ZDHHC7: variants seen among roughly 807,000 people sequenced by gnomAD.
The protein encoded by ZDHHC7 is zDHHC palmitoyltransferase 7, also known as palmitoyltransferase ZDHHC7.
A neutral mutation model predicts 34.1 loss-of-function variants in ZDHHC7; 12 were observed. The ratio of observed to expected loss-of-function variants is 0.35; its 90% confidence interval spans 0.23 to 0.57. The LOEUF is 0.57. ZDHHC7 is among the 20% of genes least tolerant of loss of function. The probability of loss-of-function intolerance (pLI) is 0.84; values close to 1 mark genes in which losing one functional copy is unlikely to be tolerated. For missense variants in ZDHHC7, 388 were observed against 402.7 expected, an observed-to-expected ratio of 0.96 and a Z score of 0.31; for synonymous variants, 185 against 155.4, an observed-to-expected ratio of 1.19 and a Z score of -1.42.
chr16:85,000,444 G>A (rs1051252068), intron 1 of ZDHHC7, among the ~76,000 whole-genome samples: 2 of 152,118 alleles, frequency 1.3e-5, no homozygotes, highest in African/African-American at 2.4e-5. Flanking sequence ...GGAACACACT[G>A]AAAACAAGTA....
chr16:84,990,879 G>T (rs2072501225), intron 2 of ZDHHC7, among the ~76,000 whole-genome samples: 1 of 152,116 alleles, frequency 6.6e-6, no homozygotes, highest in Admixed American at 6.6e-5. Context: ...CCTATCTATG[G>T]CCAGCCGTGG....
the ZDHHC7 span, among the ~76,000 whole-genome samples, chr16:85,020,268 C>T: frequency 2.0e-5 from 3 of 152,210 alleles, no homozygotes; most frequent in Non-Finnish European, 4.4e-5. Context: ...TCTTGTCTAC[C>T]TTCTCCCTGC....
chr16:85,003,616 C>T (rs1875908626), intron 1 of ZDHHC7, among the ~76,000 whole-genome samples: 1 of 152,022 alleles, frequency 6.6e-6, no homozygotes, highest in South Asian at 2.1e-4. Flanking sequence ...AAAAAAAATC[C>T]ACACCAGAAT....
Position 85,010,113 on chromosome 16 carries a change from A to C in ZDHHC7, c.-104+1173T>G, listed in dbSNP as rs186029263. On this transcript the variant is annotated intron_variant, in intron 1 of 7. Coordinates refer to ENST00000313732, the MANE Select transcript of ZDHHC7 (RefSeq NM_017740.3). The stretch of plus-strand genomic sequence containing the variant: ...GGCTGCAGTGCTGTGGCATGATCTC[A>C]AACTCAAGTGATCCCCCCACCTCAG... 4.7e-5 allele frequency among the ~76,000 whole-genome samples: 7 copies of C among 149,326 alleles called. No homozygotes were observed. In the East Asian group the frequency reaches 1.4e-3, roughly 29 times the overall value.
chr16:84,987,401 C>T (rs554647442), intron 3 of ZDHHC7, among the ~76,000 whole-genome samples: 5 of 151,628 alleles, frequency 3.3e-5, no homozygotes, highest in African/African-American at 9.7e-5. Context: ...GGACACACTG[C>T]AGGTGGGAAT....
At chr16:84,976,960 C>T in intron 7 of ZDHHC7, 135 bp downstream of exon 7, 1 of 1,284,198 alleles carries the variant, frequency 7.8e-7, no homozygotes, top group South Asian at 1.5e-5. Context: ...ACACAGGGAG[C>T]TGGTTGCAGC....
the ZDHHC7 span, among the ~76,000 whole-genome samples, chr16:85,027,493 C>T: frequency 1.3e-5 from 2 of 152,200 alleles, no homozygotes; most frequent in African/African-American, 4.8e-5. Flanking sequence ...AAATAACCCA[C>T]TCACCTGTTT....
At chr16:85,011,168 T>A (rs1450469216) in intron 1 of ZDHHC7, 118 bp downstream of exon 1, 1 of 152,288 alleles carries the variant, frequency 6.6e-6, no homozygotes, top group Non-Finnish European at 1.5e-5. Context: ...GTCGCAGGTG[T>A]GCGGCGGGGT....
chr16:85,020,651 G>A, the ZDHHC7 span, among the ~76,000 whole-genome samples: 13 of 152,242 alleles, frequency 8.5e-5, no homozygotes, highest in South Asian at 1.7e-3. Context: ...AAGGCCCTGC[G>A]AGGGTCAGTG....
At chr16:84,999,641 T>C (rs757384997) in intron 1 of ZDHHC7, among the ~76,000 whole-genome samples, 5 of 152,186 alleles carry the variant, frequency 3.3e-5, no homozygotes, top group Non-Finnish European at 5.9e-5. Flanking sequence ...TCTATGTGTA[T>C]GATATTCTAA....
intron 5 of ZDHHC7, among the ~76,000 whole-genome samples, chr16:84,978,923 A>T (rs1763431395): frequency 6.6e-6 from 1 of 152,168 alleles, no homozygotes; most frequent in African/African-American, 2.4e-5. Context: ...TACTTTAGGA[A>T]GATTCCTGTT....
chr16:84,982,908 C>T (rs1203179676), intron 3 of ZDHHC7, among the ~76,000 whole-genome samples: 5 of 152,226 alleles, frequency 3.3e-5, no homozygotes, highest in Admixed American at 2.6e-4. Flanking sequence ...ACCCTACCAG[C>T]ACCATGTCAA....
chr16:84,979,335 G>C, intron 4 of ZDHHC7, 50 bp from the exon 5 acceptor site: 2 of 1,576,882 alleles, frequency 1.3e-6, no homozygotes, highest in Non-Finnish European at 1.7e-6. Flanking sequence ...GAGGAAACCA[G>C]AGTAACACAA....
rs185640610 is a variant in ZDHHC7 at position 84,994,204 on chromosome 16, T to C, written c.-18+1718A>G. On this transcript the variant is annotated intron_variant, in intron 2 of 7. Coordinates refer to ENST00000313732, the MANE Select transcript of ZDHHC7 (RefSeq NM_017740.3). ...TGCCCTGTCCCCCTCATGCCTTGCA[T>C]GCTGTCTGGCGCACAGCAAGGGCAT... Among the ~76,000 whole-genome samples the C allele has an allele frequency of 2.8e-3, 421 of 152,356 alleles. 2 individuals carry two copies. Among genetic ancestry groups the C allele is most frequent in the African/African-American group, 9.6e-3 (398 of 41,580 alleles).
At chr16:84,997,765 C>T (rs191916838) in intron 1 of ZDHHC7, among the ~76,000 whole-genome samples, 15 of 148,464 alleles carry the variant, frequency 1.0e-4, no homozygotes, top group Admixed American at 5.4e-4. Flanking sequence ...TGGTGGTGGG[C>T]GCCTGTAGTC....
upstream of ZDHHC7, among the ~76,000 whole-genome samples, chr16:85,014,257 C>T (rs1443830760): frequency 1.3e-5 from 2 of 152,158 alleles, no homozygotes; most frequent in Non-Finnish European, 2.9e-5. Context: ...GATTTCAAAG[C>T]ATGGAAGTCA....
chr16:84,985,952 C>CAAAAAAAA (rs58315276), intron 3 of ZDHHC7, among the ~76,000 whole-genome samples: 4 of 54,028 alleles, frequency 7.4e-5, no homozygotes, highest in African/African-American at 2.1e-4. Context: ...GAGACTGTCT[C>CAAAAAAAA]AAAAAAAAAA....
intron 2 of ZDHHC7, among the ~76,000 whole-genome samples, chr16:84,991,994 G>A (rs1314399847): frequency 6.6e-6 from 1 of 151,756 alleles, no homozygotes; most frequent in Non-Finnish European, 1.5e-5. Context: ...TGGTCAACAT[G>A]GTGAAACCCC....
intron 1 of ZDHHC7, among the ~76,000 whole-genome samples, chr16:85,003,203 G>A (rs553241837): frequency 2.0e-5 from 3 of 152,304 alleles, no homozygotes; most frequent in East Asian, 1.9e-4. Flanking sequence ...AGGGCCCGAG[G>A]AGCCTGAGAA....
Sources: gnomAD v4.1 joint callset for allele counts (sites outside exome capture counted in the v4.1 genomes callset) on GRCh38, gnomAD v4.1.1 for gene constraint, MANE v1.5 for transcripts, NCBI Gene and HGNC (gene_info 2026-07-23, HGNC 2026-07-21) for gene names.